Variants in RGPD8 observed in about 807,000 individuals in gnomAD.
RGPD8 encodes the protein RANBP2 like and GRIP domain containing 8, also known as RANBP2-like and GRIP domain-containing protein 8.
A neutral mutation model predicts 89.1 loss-of-function variants in RGPD8; 15 were observed. The ratio of observed to expected loss-of-function variants is 0.17; its 90% CI spans 0.11 to 0.26. RGPD8 has a LOEUF of 0.26. Among genes scored for constraint, RGPD8 ranks in the 10% least tolerant of loss-of-function variants. The pLI is 1.00. For missense variants in RGPD8, 178 were observed against 1,179.6 expected (o/e 0.15, Z 12.44); for synonymous variants, 62 against 420.9 (o/e 0.15, Z 10.44).
intron 18 of RGPD8, among the ~76,000 whole-genome samples, chr2:112,393,664 GA>G (rs1300938201): frequency 1.9e-4 from 1 of 5,320 alleles, no homozygotes; most frequent in African/African-American, 3.3e-3. Flanking sequence ...GCTAAAAAGA[GA>G]AAAAAAAAAA....
intron 7 of RGPD8, among the ~76,000 whole-genome samples, chr2:112,410,627 A>C (rs372605037): frequency 2.8e-5 from 3 of 107,276 alleles, no homozygotes; most frequent in South Asian, 6.4e-4. Context: ...AAATACAAAA[A>C]ATTAGCCAGG....
chr2:112,430,476 G>T (rs1319289818), intron 1 of RGPD8, among the ~76,000 whole-genome samples: 1 of 152,128 alleles, frequency 6.6e-6, no homozygotes, highest in Non-Finnish European at 1.5e-5. Context: ...CTAAGTGTAA[G>T]AGAGGTGGTC....
rs778164114 is a variant in RGPD8, at chr2:112,417,238, G to A, written c.737C>T (p.Thr246Met). 6.0e-5 allele frequency: 96 copies of A among 1,610,340 alleles called. 4 individuals are homozygous for A. The highest frequency in any genetic ancestry group is 4.5e-4 in the Middle Eastern group (2 of 4,428). Residue 246 changes from threonine (T) to methionine (M), a missense_variant, in exon 6 of 23, where the codon ACG becomes ATG. Thr to Met is a moderately conservative substitution (Grantham distance 81, BLOSUM62 -1). Transcript: ENST00000302558. Reference sequence around the variant, plus strand: ...TTCCTGCACATCTCTAGTGGAAAGCGTAAGAAGCATAAGATTAGCATAGGC... The same window carrying A: ...TTCCTGCACATCTCTAGTGGAAAGCATAAGAAGCATAAGATTAGCATAGGC... ...LLAYANLMLLTLSTRDVQENR... is the reference protein window; with the variant it reads ...LLAYANLMLLMLSTRDVQENR...
chr2:112,389,582 G>T lies in RGPD8; in HGVS notation c.3363C>A (p.Pro1121=), dbSNP rs62157473. The change falls in exon 20 of 23, where the codon CCC becomes CCA. Residue 1121 remains proline (P), a synonymous_variant. Coordinates refer to ENST00000302558, the MANE Select transcript of RGPD8 (RefSeq NM_001164463.1). Reference sequence around the variant, plus strand: ...TCCATGCTCTATCTGATCCAGAGAGGGGCTTCAGGTTCATTGTAGTCGTTA... The same window carrying T: ...TCCATGCTCTATCTGATCCAGAGAGTGGCTTCAGGTTCATTGTAGTCGTTA... ...HWITTTMNLK[P]LSGSDRAWMW... The T allele has an allele frequency of 6.5e-7, 1 of 1,537,484 alleles. No homozygotes were observed.
intron 1 of RGPD8, among the ~76,000 whole-genome samples, chr2:112,430,185 A>T (rs1326479113): frequency 3.0e-4 from 45 of 152,244 alleles, no homozygotes; most frequent in African/African-American, 7.5e-4. Context: ...ATCATCACAC[A>T]CCAAAACTCC....
chr2:112,402,443 T>C (rs1392187105), intron 9 of RGPD8, among the ~76,000 whole-genome samples: 2 of 150,398 alleles, frequency 1.3e-5, no homozygotes, highest in African/African-American at 2.5e-5. Flanking sequence ...GCAGCCGAGA[T>C]TGCGCCACTG....
intron 1 of RGPD8, among the ~76,000 whole-genome samples, chr2:112,427,639 G>A (rs538027880): frequency 6.6e-6 from 1 of 152,126 alleles, no homozygotes; most frequent in South Asian, 2.1e-4. Context: ...TCATTATGCA[G>A]TTCTAAATTT....
intron 2 of RGPD8, among the ~76,000 whole-genome samples, chr2:112,424,023 C>T (rs2104830296): frequency 6.6e-6 from 1 of 152,236 alleles, no homozygotes; most frequent in South Asian, 2.1e-4. Context: ...ATTTCTTGCC[C>T]TTGGTATAAA....
rs1369143083 is a variant in RGPD8 at position 112,389,256 on chromosome 2, G to A, written c.3689C>T (p.Ala1230Val). The A allele has an allele frequency of 6.4e-7, 1 of 1,571,100 alleles. No homozygotes were observed. Among genetic ancestry groups the A allele is most frequent in the East Asian group, 2.2e-5 (1 of 44,864 alleles). The change falls in exon 20 of 23, where the codon GCC becomes GTC. Residue 1230 changes from alanine to valine, a missense_variant. Physicochemically the swap from Ala to Val is moderately conservative, Grantham distance 64. Coordinates refer to ENST00000302558, the MANE Select transcript of RGPD8 (RefSeq NM_001164463.1). ...NKGSGTGVAG[A>V]SDTTIKPNAE... ...ATTGGGTTTTATTGTTGTGTCTGAG[G>A]CACCGGCCACACCTGTACCTGAACC...
At chr2:112,395,719 CAAT>C (rs1320652877) in intron 17 of RGPD8, among the ~76,000 whole-genome samples, 1 of 138,614 alleles carries the variant, frequency 7.2e-6, no homozygotes, top group African/African-American at 2.6e-5. Context: ...GTTAGGTAAA[CAAT>C]ATTAGCTCCT....
intron 2 of RGPD8, among the ~76,000 whole-genome samples, chr2:112,423,822 T>C (rs1679642922): frequency 6.6e-6 from 1 of 152,228 alleles, no homozygotes; most frequent in Non-Finnish European, 1.5e-5. Flanking sequence ...GCATCACATA[T>C]TGTGTCAATT....
intron 1 of RGPD8, among the ~76,000 whole-genome samples, chr2:112,430,974 C>T (rs551181793): frequency 9.7e-4 from 147 of 151,968 alleles, no homozygotes; most frequent in African/African-American, 3.5e-3. Context: ...AAATAATGGC[C>T]GGTGCAGTGG....
At chr2:112,432,478 C>G in intron 1 of RGPD8, 1 of 985,240 alleles carries the variant, frequency 1.0e-6, no homozygotes, top group African/African-American at 1.7e-5. Context: ...GGGGACTTTC[C>G]GTGTCATTTG....
intron 20 of RGPD8, among the ~76,000 whole-genome samples, 165 bp downstream of exon 20, chr2:112,387,859 C>A (rs535343584): frequency 6.9e-6 from 1 of 144,964 alleles, no homozygotes; most frequent in East Asian, 1.9e-4. Flanking sequence ...TCTTTGAAAC[C>A]TCACCGAGAA....
Position 112,433,582 on chromosome 2 carries a change from G to C in RGPD8, c.-129C>G, listed in dbSNP as rs915277799. Reference sequence around the variant, plus strand: ...GTAGCCGGCGGAGGCCCACTGTGACGAGCGTGCGGCGCCGCCCACGGAGGC... The same window carrying C: ...GTAGCCGGCGGAGGCCCACTGTGACCAGCGTGCGGCGCCGCCCACGGAGGC... On this transcript the variant is annotated 5_prime_UTR_variant, in exon 1 of 23. Transcript: ENST00000302558. 7 of 1,015,140 alleles carry C rather than the reference G, an allele frequency of 6.9e-6. No homozygotes were observed. Among genetic ancestry groups the C allele is most frequent in the African/African-American group, 5.0e-5 (3 of 60,282 alleles). The allele number at this position is 1,015,140 out of a possible 1,614,324, so 62.9% of individuals were successfully genotyped here.
At chr2:112,410,862 G>T (rs1460161334) in intron 7 of RGPD8, among the ~76,000 whole-genome samples, 1 of 152,414 alleles carries the variant, frequency 6.6e-6, no homozygotes, top group African/African-American at 2.4e-5. Context: ...GAGACGCGCA[G>T]ATCACCTGAG....
At chr2:112,414,747 G>A (rs1369380502) in intron 6 of RGPD8, among the ~76,000 whole-genome samples, 5 of 76,220 alleles carry the variant, frequency 6.6e-5, no homozygotes, top group East Asian at 3.3e-4. Context: ...CCAGCCGGGC[G>A]TGGTGGCTCA....
At chr2:112,413,546 G>C (rs1396763464) in intron 6 of RGPD8, among the ~76,000 whole-genome samples, 6 of 119,256 alleles carry the variant, frequency 5.0e-5, no homozygotes, top group African/African-American at 2.2e-4. Context: ...ATTTTAAAGT[G>C]GCTTACAATA....
chr2:112,390,744 TCCA>T (rs1448215746), intron 19 of RGPD8, among the ~76,000 whole-genome samples: 2 of 141,110 alleles, frequency 1.4e-5, no homozygotes, highest in Non-Finnish European at 3.1e-5. Flanking sequence ...CGATGAAGGA[TCCA>T]CCACCACCAC....
Sources: gnomAD v4.1 joint callset for allele counts (sites outside exome capture counted in the v4.1 genomes callset) on GRCh38, gnomAD v4.1.1 for gene constraint, MANE v1.5 for transcripts, NCBI Gene and HGNC (gene_info 2026-07-23, HGNC 2026-07-21) for gene names.